The following PTPRE variants were observed in gnomAD, a reference collection of about 807,000 sequenced individuals.
The protein encoded by PTPRE is protein tyrosine phosphatase receptor type E.
Under a neutral mutation model 102.0 loss-of-function variants are expected in PTPRE, and 51 were observed. The ratio of observed to expected loss-of-function variants is 0.50; its 90% CI spans 0.40 to 0.63. PTPRE has a LOEUF of 0.63. Ranked by LOEUF, PTPRE falls within the 30% of genes least tolerant of loss-of-function variation. The pLI is 0.00. For synonymous variants in PTPRE, 345 were observed against 348.2 expected, an observed-to-expected ratio of 0.99 and a Z score of 0.10; for missense variants, 752 against 915.1, an observed-to-expected ratio of 0.82 and a Z score of 2.30.
chr10:128,062,307 A>C (rs1849676930), intron 9 of PTPRE, among the ~76,000 whole-genome samples: 1 of 152,182 alleles, frequency 6.6e-6, no homozygotes, highest in East Asian at 1.9e-4. Context: ...CATCAAAATC[A>C]CCTGGGAAGT....
At chr10:128,047,690 A>G in intron 4 of PTPRE, 74 bp from the exon 5 acceptor site, 1 of 1,614,080 alleles carries the variant, frequency 6.2e-7, no homozygotes, top group South Asian at 1.1e-5. Flanking sequence ...CCTGGTGGGT[A>G]TCACTGTGCC....
At chr10:127,987,890 G>A (rs754303517) in intron 2 of PTPRE, among the ~76,000 whole-genome samples, 2 of 152,248 alleles carry the variant, frequency 1.3e-5, no homozygotes, top group Non-Finnish European at 2.9e-5. Flanking sequence ...GACCTGGACT[G>A]CAGGCCAATG....
chr10:127,992,414 C>A (rs149715574), intron 2 of PTPRE, among the ~76,000 whole-genome samples: 1 of 152,156 alleles, frequency 6.6e-6, no homozygotes, highest in Admixed American at 6.5e-5. Context: ...AGTTCTCGCA[C>A]GAAATTCATA....
intron 2 of PTPRE, among the ~76,000 whole-genome samples, chr10:128,032,733 C>T (rs938376214): frequency 3.9e-5 from 6 of 152,178 alleles, no homozygotes; most frequent in Admixed American, 6.5e-5. Context: ...TGGTCATCAG[C>T]ACCTATCAGA....
chr10:127,913,681 G>A (rs1055495682), intron 1 of PTPRE, among the ~76,000 whole-genome samples: 2 of 152,144 alleles, frequency 1.3e-5, no homozygotes, highest in African/African-American at 4.8e-5. Context: ...GGTCGGGAAC[G>A]CACCCACCAA....
intron 2 of PTPRE, among the ~76,000 whole-genome samples, chr10:127,984,119 TTAC>T (rs922731653): frequency 2.0e-5 from 3 of 150,354 alleles, no homozygotes; most frequent in Non-Finnish European, 4.4e-5. Context: ...TTTCCTCTTG[TTAC>T]CCAGGCTGAC....
chr10:127,967,089 G>A (rs1375391234), intron 1 of PTPRE, among the ~76,000 whole-genome samples: 2 of 152,188 alleles, frequency 1.3e-5, no homozygotes, highest in Non-Finnish European at 2.9e-5. Flanking sequence ...GTCTCTCCAT[G>A]CTCATGGTCA....
At chr10:127,934,496 G>A (rs1205936467) in intron 1 of PTPRE, 1 of 152,212 alleles carries the variant, frequency 6.6e-6, no homozygotes, top group Non-Finnish European at 1.5e-5. Flanking sequence ...GCTCGGTGAC[G>A]GTTTGAGTTT....
At position 128,076,702 on chromosome 10, in the gene PTPRE, C is replaced by T; in HGVS notation, c.1699C>T (p.Arg567Ter). The T allele has an allele frequency of 5.6e-6, 9 of 1,611,330 alleles. No homozygotes were observed. Among genetic ancestry groups the T allele is most frequent in the South Asian group, 1.1e-5 (1 of 90,284 alleles). ...NDTLSEAISI[R>*]DFLVTLNQPQ... ...TACCCTTTCAGAAGCCATCAGTATA[C>T]GAGACTTTCTGGTCACTCTCAATCA... Residue 567 changes from arginine (R) to a stop codon, truncating the protein, a stop_gained, in exon 18 of 21, where the codon CGA becomes TGA. Coordinates refer to ENST00000254667, the MANE Select transcript of PTPRE (RefSeq NM_006504.6). LOFTEE classifies it high-confidence loss of function.
intron 1 of PTPRE, among the ~76,000 whole-genome samples, chr10:127,908,927 C>T (rs1278315322): frequency 6.6e-6 from 1 of 152,266 alleles, no homozygotes; most frequent in East Asian, 1.9e-4. Flanking sequence ...TAGTCACACA[C>T]TCCCTCATCA....
intron 2 of PTPRE, among the ~76,000 whole-genome samples, chr10:128,037,063 T>C (rs1346180866): frequency 2.0e-5 from 3 of 152,240 alleles, no homozygotes; most frequent in African/African-American, 7.2e-5. Flanking sequence ...TACTCGGATT[T>C]CTTCCATCTG....
At chr10:128,045,525 G>C (rs1296460898) in intron 3 of PTPRE, among the ~76,000 whole-genome samples, 1 of 152,222 alleles carries the variant, frequency 6.6e-6, no homozygotes, top group Non-Finnish European at 1.5e-5. Context: ...ATTCGAGAGG[G>C]AGGAGGGGGA....
intron 2 of PTPRE, among the ~76,000 whole-genome samples, chr10:128,027,270 G>A (rs7900911): frequency 2.0e-5 from 3 of 152,174 alleles, no homozygotes; most frequent in East Asian, 3.9e-4. Context: ...GCTTCCTGCA[G>A]TGAGAGGCCT....
At chr10:127,999,386 T>C (rs1054851095) in intron 2 of PTPRE, 36 of 244,564 alleles carry the variant, frequency 1.5e-4, no homozygotes, top group African/African-American at 8.4e-4. Context: ...ATGACTTTTA[T>C]TTTAGAACTA....
chr10:128,070,095 T>C lies in PTPRE; in HGVS notation c.1144-206T>C, dbSNP rs1206507241. 5 of 698,582 alleles carry C rather than the reference T, an allele frequency of 7.2e-6. No individual in the cohort carries two copies. The highest frequency in any genetic ancestry group is 1.2e-5 in the Non-Finnish European group (5 of 425,716). 43.3% of individuals were successfully genotyped at this position (698,582 alleles called of 1,614,324 possible). On this transcript the variant is annotated intron_variant, in intron 13 of 20. Transcript: ENST00000254667. This position sits in a 1 kb window ranked among gnomAD's most constrained non-coding sequence, Gnocchi z 4.8. ...ACACAGTGCGTGGCGTGCTCACCAA[T>C]GTGAGGCTCTGCTGCTACCGTTCTC...
intron 9 of PTPRE, among the ~76,000 whole-genome samples, chr10:128,062,763 C>A (rs948731612): frequency 6.6e-6 from 1 of 152,216 alleles, no homozygotes; most frequent in Non-Finnish European, 1.5e-5. Context: ...CTGCCTCTCG[C>A]AAGGCTTTCA....
At chr10:128,052,281 C>T (rs1045199265) in intron 6 of PTPRE, among the ~76,000 whole-genome samples, 2 of 152,112 alleles carry the variant, frequency 1.3e-5, no homozygotes, top group African/African-American at 2.4e-5. Flanking sequence ...AGGGAGACAC[C>T]AGAGTCTCAA....
intron 2 of PTPRE, among the ~76,000 whole-genome samples, chr10:128,035,259 A>G (rs1847113297): frequency 6.8e-6 from 1 of 147,868 alleles, no homozygotes; most frequent in South Asian, 2.2e-4. Flanking sequence ...AAGTTTTCTT[A>G]AAAACATATA....
chr10:127,982,347 T>G, intron 2 of PTPRE, 51 bp downstream of exon 2: 1 of 1,053,700 alleles, frequency 9.5e-7, no homozygotes, highest in Non-Finnish European at 1.3e-6. Flanking sequence ...ATAACTAGTT[T>G]AAAATAATAT....
Sources: gnomAD v4.1 joint callset for allele counts (sites outside exome capture counted in the v4.1 genomes callset) on GRCh38, gnomAD v4.1.1 for gene constraint, Gnocchi (gnomAD v3.1) non-coding constraint, MANE v1.5 for transcripts, NCBI Gene and HGNC (gene_info 2026-07-23, HGNC 2026-07-21) for gene names.